The following SERPINI1 variants were observed in gnomAD, a reference collection of about 807,000 sequenced individuals.
The protein encoded by SERPINI1 is neuroserpin.
SERPINI1 carries 19 observed loss-of-function variants against 41.1 expected under a neutral mutation model. That is an observed-to-expected ratio of 0.46 (90% confidence interval 0.32 to 0.68). SERPINI1 has a LOEUF of 0.68. SERPINI1 is among the 30% of genes least tolerant of loss of function. The pLI, the probability that SERPINI1 is intolerant of heterozygous loss-of-function variation, is 0.03. For synonymous variants in SERPINI1, 138 were observed against 156.6 expected (o/e 0.88, Z 0.89); for missense variants, 460 against 479.2 (o/e 0.96, Z 0.37).
At chr3:167,795,365 C>A (rs1182735060) in intron 5 of SERPINI1, among the ~76,000 whole-genome samples, 2 of 152,142 alleles carry the variant, frequency 1.3e-5, no homozygotes, top group African/African-American at 4.8e-5. Context: ...GCACACAATG[C>A]CTTTGATGTC....
intron 5 of SERPINI1, among the ~76,000 whole-genome samples, chr3:167,803,677 A>T (rs1368858868): frequency 2.6e-5 from 4 of 152,182 alleles, no homozygotes; most frequent in Non-Finnish European, 5.9e-5. Context: ...GTGTTTCATC[A>T]CTAAAGTGTG....
intron 1 of SERPINI1, among the ~76,000 whole-genome samples, chr3:167,769,640 G>A (rs990787372): frequency 1.3e-5 from 2 of 152,048 alleles, no homozygotes; most frequent in Non-Finnish European, 2.9e-5. Context: ...CTGCTTTTCT[G>A]TCCCAGTTCA....
intron 1 of SERPINI1, among the ~76,000 whole-genome samples, chr3:167,781,776 A>G (rs1040745113): frequency 2.2e-4 from 33 of 151,872 alleles, no homozygotes; most frequent in Admixed American, 2.2e-3. Context: ...TTGGGTTATA[A>G]AAAAGATGCA....
At chr3:167,807,133 A>T (rs1351259687) in intron 5 of SERPINI1, 111 bp from the exon 6 acceptor site, 2 of 774,490 alleles carry the variant, frequency 2.6e-6, no homozygotes, top group African/African-American at 3.4e-5. Context: ...GTTTTAGCAT[A>T]ATTTACTCTC....
chr3:167,797,804 C>A (rs1727764908), intron 5 of SERPINI1, among the ~76,000 whole-genome samples: 1 of 150,316 alleles, frequency 6.7e-6, no homozygotes, highest in African/African-American at 2.4e-5. Flanking sequence ...TACCTTAATT[C>A]CAAAGAACAA....
chr3:167,818,870 C>T (rs929840402), intron 6 of SERPINI1, among the ~76,000 whole-genome samples: 2 of 152,182 alleles, frequency 1.3e-5, no homozygotes, highest in African/African-American at 4.8e-5. Flanking sequence ...AGGCAATTTC[C>T]TATGTGCAAA....
intron 1 of SERPINI1, among the ~76,000 whole-genome samples, chr3:167,746,286 A>G (rs1022653176): frequency 1.3e-5 from 2 of 152,194 alleles, no homozygotes; most frequent in African/African-American, 4.8e-5. Context: ...TGTTACTTAA[A>G]ATGGATTACA....
intron 7 of SERPINI1, 50 bp from the exon 8 acceptor site, chr3:167,824,420 CATT>C: frequency 1.5e-6 from 2 of 1,328,590 alleles, no homozygotes; most frequent in Non-Finnish European, 2.2e-6. Flanking sequence ...AGGAATTACT[CATT>C]AGTCTCTGCA....
At chr3:167,743,822 G>A (rs2108530088) in intron 1 of SERPINI1, among the ~76,000 whole-genome samples, 1 of 152,270 alleles carries the variant, frequency 6.6e-6, no homozygotes, top group East Asian at 1.9e-4. Flanking sequence ...GCCAGAAGGA[G>A]AAGAAATTGG....
Position 167,761,924 on chromosome 3 carries a change from T to G in SERPINI1, c.-19+26101T>G, listed in dbSNP as rs75396605. On this transcript the variant is annotated intron_variant, in intron 1 of 8. Coordinates refer to ENST00000446050, the MANE Select transcript of SERPINI1 (RefSeq NM_001122752.2). ...AATTCTAAGCAAAGATGAGTAATAC[T>G]ACCTTGGCAGGAGTCTGTGCTTAAG... is the stretch of plus-strand genomic sequence containing the variant. Among the ~76,000 whole-genome samples, 64 of 152,320 alleles carry G rather than the reference T, an allele frequency of 4.2e-4. 1 individual carries two copies. In the East Asian group the frequency reaches 0.011, roughly 26 times the overall value.
intron 1 of SERPINI1, among the ~76,000 whole-genome samples, chr3:167,748,167 A>G (rs577978312): frequency 6.6e-6 from 1 of 152,290 alleles, no homozygotes; most frequent in Admixed American, 6.5e-5. Flanking sequence ...AGTTATCAAC[A>G]GCTTTAGTCC....
chr3:167,773,256 TA>T (rs1726851180), intron 1 of SERPINI1, among the ~76,000 whole-genome samples: 1 of 152,078 alleles, frequency 6.6e-6, no homozygotes, highest in Admixed American at 6.6e-5. Flanking sequence ...TTTAAGCTGC[TA>T]TGTAAGCAGC....
Position 167,754,534 on chromosome 3 carries a change from C to T in SERPINI1, c.-19+18711C>T, listed in dbSNP as rs1726139360. ...CAAATTTGAATATTCTAAATGTCAA[C>T]AAAGAATAACATTAATGTTTATGAC... On this transcript the variant is annotated intron_variant, in intron 1 of 8. Coordinates refer to ENST00000446050, the MANE Select transcript of SERPINI1 (RefSeq NM_001122752.2). 3.3e-5 allele frequency among the ~76,000 whole-genome samples: 5 copies of T among 152,238 alleles called. No homozygotes were observed. In the South Asian group the frequency reaches 1.0e-3, roughly 32 times the overall value.
chr3:167,805,183 A>G (rs1018958688), intron 5 of SERPINI1, among the ~76,000 whole-genome samples: 2 of 152,038 alleles, frequency 1.3e-5, no homozygotes, highest in Admixed American at 1.3e-4. Flanking sequence ...AAGCATTCCT[A>G]TTTCTCCACA....
At chr3:167,740,242 G>C (rs1279571429) in intron 1 of SERPINI1, among the ~76,000 whole-genome samples, 1 of 152,016 alleles carries the variant, frequency 6.6e-6, no homozygotes, top group Non-Finnish European at 1.5e-5. Flanking sequence ...GTGTTGCCCA[G>C]GTTGGTCCAA....
chr3:167,798,992 G>T (rs1225724772), intron 5 of SERPINI1, among the ~76,000 whole-genome samples: 1 of 151,728 alleles, frequency 6.6e-6, no homozygotes, highest in African/African-American at 2.4e-5. Flanking sequence ...TAAAATAAAA[G>T]GTTTTTTTAG....
chr3:167,743,465 T>C (rs566861921), intron 1 of SERPINI1, among the ~76,000 whole-genome samples: 1 of 152,298 alleles, frequency 6.6e-6, no homozygotes, highest in East Asian at 1.9e-4. Flanking sequence ...AAAACTCTCA[T>C]AATCAAAGAT....
Position 167,794,698 on chromosome 3 carries a change from G to C in SERPINI1, c.755G>C (p.Ser252Thr). The C allele has an allele frequency of 6.2e-7, 1 of 1,613,680 alleles. No individual in the cohort carries two copies. Among genetic ancestry groups the C allele is most frequent in the Non-Finnish European group, 8.5e-7 (1 of 1,179,796 alleles). The change falls in exon 5 of 9, where the codon AGC (serine) becomes ACC (threonine). Residue 252 changes from serine to threonine, a missense_variant. Transcript: ENST00000446050. ...ATACCATATGAAGGAGATGAAATAA[G>C]CATGATGCTGGTGCTGTCCAGACAG... is the stretch of plus-strand genomic sequence containing the variant. ...LEIPYEGDEI[S>T]MMLVLSRQEV...
intron 1 of SERPINI1, among the ~76,000 whole-genome samples, chr3:167,779,640 C>T (rs1005869284): frequency 1.3e-5 from 2 of 152,166 alleles, no homozygotes; most frequent in Non-Finnish European, 2.9e-5. Flanking sequence ...CAGTAATCAT[C>T]TTGGCCCATT....
Sources: gnomAD v4.1 joint callset for allele counts (sites outside exome capture counted in the v4.1 genomes callset) on GRCh38, gnomAD v4.1.1 for gene constraint, MANE v1.5 for transcripts, NCBI Gene and HGNC (gene_info 2026-07-23, HGNC 2026-07-21) for gene names.